Variants in BRCA1 observed in about 807,000 individuals in gnomAD.
BRCA1 encodes the protein breast cancer type 1 susceptibility protein.
In BRCA1, 140 loss-of-function variants were observed where a neutral mutation model predicts 173.7. The observed-to-expected ratio is 0.81, with a 90% confidence interval of 0.70 to 0.93. The LOEUF (loss-of-function observed/expected upper bound fraction) is 0.93. Among genes scored for constraint, BRCA1 ranks in the 40% least tolerant of loss-of-function variants. The pLI, the probability that BRCA1 is intolerant of heterozygous loss-of-function variation, is 0.00. For synonymous variants in BRCA1, 662 were observed against 756.0 expected (o/e 0.88, Z 2.04); for missense variants, 1,983 against 2,172.5 (o/e 0.91, Z 1.73).
chr17:43,168,163 G>A (rs1407144116), intron 1 of BRCA1: 1 of 382,348 alleles, frequency 2.6e-6, no homozygotes, highest in East Asian at 9.0e-5. Flanking sequence ...CTCTTCTGGT[G>A]ACTTACCAGA....
chr17:43,089,660 G>T (rs1298730428), intron 11 of BRCA1, among the ~76,000 whole-genome samples: 1 of 150,354 alleles, frequency 6.7e-6, no homozygotes, highest in Non-Finnish European at 1.5e-5. Flanking sequence ...TGATTCTCCT[G>T]CTTTAGCCTC....
At chr17:43,107,656 C>T (rs575618234) in intron 3 of BRCA1, among the ~76,000 whole-genome samples, 95 of 152,246 alleles carry the variant, frequency 6.2e-4, no homozygotes, top group African/African-American at 2.2e-3. Flanking sequence ...CATGAGCCAC[C>T]GTGCCCAGGC....
chr17:43,100,033 C>T (rs1319581016), intron 6 of BRCA1, among the ~76,000 whole-genome samples, 153 bp from the exon 7 acceptor site: 1 of 152,190 alleles, frequency 6.6e-6, no homozygotes, highest in Non-Finnish European at 1.5e-5. Context: ...GGAATTTACA[C>T]ACTAAAATGT....
At chr17:43,116,218 TTTAAC>T (rs2055289728) in intron 2 of BRCA1, among the ~76,000 whole-genome samples, 1 of 152,202 alleles carries the variant, frequency 6.6e-6, no homozygotes, top group Non-Finnish European at 1.5e-5. Context: ...TAAATGCCTT[TTTAAC>T]TTAATATGGA....
At chr17:43,107,284 C>T (rs1320749275) in intron 3 of BRCA1, among the ~76,000 whole-genome samples, 1 of 151,628 alleles carries the variant, frequency 6.6e-6, no homozygotes, top group Non-Finnish European at 1.5e-5. Flanking sequence ...AGGATGGTCT[C>T]CATCTCCTGA....
At chr17:43,096,624 G>C (rs2054152445) in intron 8 of BRCA1, among the ~76,000 whole-genome samples, 1 of 151,158 alleles carries the variant, frequency 6.6e-6, no homozygotes, top group Admixed American at 6.6e-5. Context: ...AGGAAGGTAG[G>C]TAACATAGTT....
upstream of BRCA1, among the ~76,000 whole-genome samples, chr17:43,128,014 A>C (rs1597928920): frequency 4.5e-5 from 5 of 111,864 alleles, no homozygotes; most frequent in East Asian, 2.4e-4. Context: ...ACAGAGGGAG[A>C]CTCCATCTCA....
chr17:43,156,681 G>A (rs1212038515), intron 1 of BRCA1, among the ~76,000 whole-genome samples: 2 of 151,996 alleles, frequency 1.3e-5, no homozygotes, highest in Non-Finnish European at 1.5e-5. Flanking sequence ...GAAATTCTCC[G>A]TAAAAGAAAA....
At chr17:43,110,818 AGGCTGGGC>A (rs1281526803) in intron 3 of BRCA1, among the ~76,000 whole-genome samples, 1 of 152,078 alleles carries the variant, frequency 6.6e-6, no homozygotes, top group Non-Finnish European at 1.5e-5. Flanking sequence ...CTAAAATAAA[AGGCTGGGC>A]GTGGTGGCTA....
chr17:43,056,094 A>G (rs765171317), intron 19 of BRCA1, among the ~76,000 whole-genome samples: 1 of 152,134 alleles, frequency 6.6e-6, no homozygotes, highest in Non-Finnish European at 1.5e-5. Flanking sequence ...ATTACAGTAC[A>G]TAGCTCATAG....
intron 2 of BRCA1, among the ~76,000 whole-genome samples, chr17:43,118,659 A>G (rs2055406954): frequency 6.6e-6 from 1 of 152,172 alleles, no homozygotes; most frequent in South Asian, 2.1e-4. Context: ...CTGGTCTTGA[A>G]TGCCTGGCAT....
chr17:43,057,535 A>AT (rs1163250078), intron 18 of BRCA1, among the ~76,000 whole-genome samples: 2 of 149,268 alleles, frequency 1.3e-5, no homozygotes, highest in Admixed American at 6.7e-5. Flanking sequence ...TAAAAATAAA[A>AT]TTAAAAAAAA....
At chr17:43,052,761 TGACA>T (rs1393167232) in intron 19 of BRCA1, among the ~76,000 whole-genome samples, 3 of 135,388 alleles carry the variant, frequency 2.2e-5, no homozygotes, top group Admixed American at 7.6e-5. Flanking sequence ...CCCTCCCCCT[TGACA>T]GACAGACGGA....
intron 1 of BRCA1, chr17:43,138,774 C>A: frequency 1.3e-6 from 1 of 779,020 alleles, no homozygotes; most frequent in Non-Finnish European, 2.4e-6. Context: ...CCTTTCCTCC[C>A]CTGTAGCAGC....
intron 8 of BRCA1, among the ~76,000 whole-genome samples, chr17:43,096,376 C>CA (rs71160005): frequency 0.093 from 6,852 of 74,066 alleles, 499 homozygotes; most frequent in African/African-American, 0.22. Flanking sequence ...GACTCTGTCT[C>CA]AAAAAAAAAA....
chr17:43,079,262 C>G (rs2154103785), intron 12 of BRCA1: 1 of 1,176,124 alleles, frequency 8.5e-7, no homozygotes, highest in Non-Finnish European at 1.3e-6. Flanking sequence ...AGTCATTCCT[C>G]CTTTTGGCCA....
intron 1 of BRCA1, among the ~76,000 whole-genome samples, chr17:43,131,051 C>T (rs1293145951): frequency 6.6e-6 from 1 of 152,102 alleles, no homozygotes; most frequent in African/African-American, 2.4e-5. Flanking sequence ...CAGATATTAA[C>T]CCTTTGCTGT....
chr17:43,083,407 C>T (rs2053106146), intron 11 of BRCA1, among the ~76,000 whole-genome samples: 1 of 152,276 alleles, frequency 6.6e-6, no homozygotes, highest in Non-Finnish European at 1.5e-5. Flanking sequence ...CAGCCCGCCT[C>T]GGCCTCCCAA....
At chr17:43,081,602 G>A (rs2053003875) in intron 12 of BRCA1, among the ~76,000 whole-genome samples, 1 of 152,150 alleles carries the variant, frequency 6.6e-6, no homozygotes, top group Non-Finnish European at 1.5e-5. Flanking sequence ...GCATCCTAGT[G>A]GGGACCCCAT....
Sources: allele counts gnomAD v4.1 joint callset (sites outside exome capture counted in the v4.1 genomes callset), GRCh38; gene constraint gnomAD v4.1.1; transcripts MANE v1.5; gene names NCBI Gene and HGNC (gene_info 2026-07-23, HGNC 2026-07-21).